KCNQ5: variants seen among roughly 807,000 people sequenced by gnomAD.
KCNQ5 encodes the protein potassium voltage-gated channel subfamily Q member 5.
KCNQ5 carries 30 observed loss-of-function variants against 98.2 expected under a neutral mutation model. The observed-to-expected ratio is 0.31, with a 90% confidence interval of 0.23 to 0.41. KCNQ5 has a LOEUF of 0.41. Ranked by LOEUF, KCNQ5 falls within the 10% of genes least tolerant of loss-of-function variation. KCNQ5 has a pLI of 1.00. For missense variants in KCNQ5, 835 were observed against 1,182.5 expected (o/e 0.71, Z 4.31); for synonymous variants, 458 against 449.4 (o/e 1.02, Z -0.24).
At chr6:72,647,653 A>ACCCC (rs1430561661) in intron 1 of KCNQ5, among the ~76,000 whole-genome samples, 1 of 152,052 alleles carries the variant, frequency 6.6e-6, no homozygotes, top group Non-Finnish European at 1.5e-5. Context: ...GACCTCCAGG[A>ACCCC]CCCCCATCTA....
At chr6:73,193,278 C>T (rs1765663864) in intron 13 of KCNQ5, among the ~76,000 whole-genome samples, 1 of 151,474 alleles carries the variant, frequency 6.6e-6, no homozygotes, top group Admixed American at 6.6e-5. Flanking sequence ...CCTTGGCCTC[C>T]CAAAGTGCTG....
intron 5 of KCNQ5, among the ~76,000 whole-genome samples, chr6:73,080,910 T>A (rs1773737354): frequency 6.6e-6 from 1 of 152,152 alleles, no homozygotes; most frequent in African/African-American, 2.4e-5. Flanking sequence ...CATGGTGGGA[T>A]CAGTGCTGCC....
intron 1 of KCNQ5, among the ~76,000 whole-genome samples, chr6:72,726,211 T>TAA (rs1561944398): frequency 0.038 from 4,200 of 109,942 alleles, 228 homozygotes; most frequent in African/African-American, 0.12. Context: ...AATTTAAATT[T>TAA]TTTTTTTTTT....
intron 1 of KCNQ5, among the ~76,000 whole-genome samples, chr6:72,672,848 A>G (rs1453369251): frequency 6.6e-6 from 1 of 152,252 alleles, no homozygotes; most frequent in Non-Finnish European, 1.5e-5. Flanking sequence ...CAGAGTTAGC[A>G]TAAAAAATGA....
chr6:72,855,667 A>T (rs1777502122), intron 1 of KCNQ5, among the ~76,000 whole-genome samples: 1 of 152,196 alleles, frequency 6.6e-6, no homozygotes, highest in South Asian at 2.1e-4. Context: ...TTGGGGGAGA[A>T]AGCACTATTA....
intron 1 of KCNQ5, among the ~76,000 whole-genome samples, chr6:72,767,515 G>A (rs922965640): frequency 6.6e-6 from 1 of 151,830 alleles, no homozygotes; most frequent in African/African-American, 2.4e-5. Flanking sequence ...AAAAATTTTT[G>A]TGCTTCAAAA....
At chr6:72,948,208 G>A (rs1402655143) in intron 1 of KCNQ5, among the ~76,000 whole-genome samples, 1 of 152,004 alleles carries the variant, frequency 6.6e-6, no homozygotes, top group East Asian at 1.9e-4. Flanking sequence ...ATGTGTTAAG[G>A]TTCCTTGAGG....
chr6:72,871,149 C>T (rs1778188746), intron 1 of KCNQ5, among the ~76,000 whole-genome samples: 1 of 152,146 alleles, frequency 6.6e-6, no homozygotes, highest in Non-Finnish European at 1.5e-5. Flanking sequence ...TCACCACGAG[C>T]TTTTGAGAAA....
At chr6:73,062,219 G>A (rs1011709167) in intron 3 of KCNQ5, among the ~76,000 whole-genome samples, 1 of 152,164 alleles carries the variant, frequency 6.6e-6, no homozygotes, top group African/African-American at 2.4e-5. Flanking sequence ...CTCCCAGAAG[G>A]CTTCCCTGGC....
intron 3 of KCNQ5, chr6:73,055,840 G>A (rs1258526533): frequency 4.2e-6 from 3 of 716,244 alleles, no homozygotes; most frequent in African/African-American, 1.7e-5. Flanking sequence ...GGCTGCCCAG[G>A]GCAAAGCCAA....
rs1360846596 is a variant in KCNQ5 at position 73,077,438 on chromosome 6, A to C, written c.733A>C (p.Met245Leu). The change falls in exon 4 of 14, where the codon ATG (methionine) becomes CTG (leucine). Residue 245 changes from methionine to leucine, a missense_variant. This residue lies in a region of KCNQ5 where 48 missense variants were observed against 112.1 expected (regional missense o/e 0.43). Coordinates refer to ENST00000370398, the MANE Select transcript of KCNQ5 (RefSeq NM_019842.4). Reference sequence around the variant, plus strand: ...CCTACAGATCCTCCGCATGGTGCGCATGGACCGAAGGGGAGGCACTTGGAA... The same window carrying C: ...CCTACAGATCCTCCGCATGGTGCGCCTGGACCGAAGGGGAGGCACTTGGAA... Reference protein sequence around the residue: ...RFLQILRMVRMDRRGGTWKLL... With the variant: ...RFLQILRMVRLDRRGGTWKLL... 6.2e-7 allele frequency: 1 copy of C among 1,614,060 alleles called. No homozygotes were observed. The highest frequency in any genetic ancestry group is 8.5e-7 in the Non-Finnish European group (1 of 1,180,034).
chr6:73,008,368 A>G (rs1769910868), intron 2 of KCNQ5, among the ~76,000 whole-genome samples: 1 of 152,164 alleles, frequency 6.6e-6, no homozygotes. Context: ...AGTACAAGAG[A>G]CTTACTTTAG....
chr6:73,140,103 C>T (rs1776642893), intron 10 of KCNQ5, among the ~76,000 whole-genome samples: 1 of 152,180 alleles, frequency 6.6e-6, no homozygotes, highest in South Asian at 2.1e-4. Context: ...CATTTTAATG[C>T]AATGGTTTTG....
chr6:72,950,605 A>T (rs571655155), intron 1 of KCNQ5, among the ~76,000 whole-genome samples: 2 of 152,312 alleles, frequency 1.3e-5, no homozygotes, highest in East Asian at 3.9e-4. Context: ...ACCTGGTGAC[A>T]GTGATGACCA....
intron 1 of KCNQ5, among the ~76,000 whole-genome samples, chr6:72,719,544 G>A (rs1769836956): frequency 6.6e-6 from 1 of 152,222 alleles, no homozygotes; most frequent in Admixed American, 6.5e-5. Flanking sequence ...GCCAAGCCAA[G>A]CCAGGATTCA....
At chr6:72,977,152 A>T (rs953972861) in intron 1 of KCNQ5, among the ~76,000 whole-genome samples, 1 of 152,216 alleles carries the variant, frequency 6.6e-6, no homozygotes, top group Non-Finnish European at 1.5e-5. Flanking sequence ...GTTAAAACAC[A>T]GATTCTCATT....
chr6:72,847,771 A>G (rs1198789246), intron 1 of KCNQ5, among the ~76,000 whole-genome samples: 1 of 152,196 alleles, frequency 6.6e-6, no homozygotes, highest in African/African-American at 2.4e-5. Flanking sequence ...ACTTTCAGAG[A>G]AGGAAAAAGC....
At chr6:72,900,252 A>G (rs954841951) in intron 1 of KCNQ5, among the ~76,000 whole-genome samples, 19 of 151,556 alleles carry the variant, frequency 1.3e-4, no homozygotes, top group Middle Eastern at 6.8e-3. Flanking sequence ...ATAGCCTCCA[A>G]TCTCATCCAG....
At chr6:72,705,162 C>A (rs1402526923) in intron 1 of KCNQ5, among the ~76,000 whole-genome samples, 1 of 152,140 alleles carries the variant, frequency 6.6e-6, no homozygotes, top group African/African-American at 2.4e-5. Context: ...GAGGTGGTGA[C>A]ATTCTGGATA....
Sources: allele counts gnomAD v4.1 joint callset (sites outside exome capture counted in the v4.1 genomes callset), GRCh38; gene constraint gnomAD v4.1.1; regional missense constraint gnomAD v4.1.1; transcripts MANE v1.5; gene names NCBI Gene and HGNC (gene_info 2026-07-23, HGNC 2026-07-21).